The following ATE1 variants were observed in gnomAD, a reference collection of about 807,000 sequenced individuals.
ATE1 encodes the protein arginyltransferase 1.
Under a neutral mutation model 70.5 loss-of-function variants are expected in ATE1, and 36 were observed. The ratio of observed to expected loss-of-function variants is 0.51; its 90% CI spans 0.39 to 0.67. ATE1 has a LOEUF of 0.67. Ranked by LOEUF, ATE1 falls within the 30% of genes least tolerant of loss-of-function variation. ATE1 has a pLI of 0.00. For missense variants in ATE1, 593 were observed against 629.5 expected (o/e 0.94, Z 0.62); for synonymous variants, 232 against 219.3 (o/e 1.06, Z -0.51).
intron 10 of ATE1, among the ~76,000 whole-genome samples, chr10:121,822,068 T>C (rs559934209): frequency 6.6e-6 from 1 of 152,290 alleles, no homozygotes; most frequent in Admixed American, 6.5e-5. Flanking sequence ...CAGGAATGCA[T>C]ATATATGTTC....
intron 11 of ATE1, among the ~76,000 whole-genome samples, chr10:121,785,662 C>A (rs745504679): frequency 6.6e-6 from 1 of 152,148 alleles, no homozygotes; most frequent in Non-Finnish European, 1.5e-5. Context: ...CTCAGAGTTT[C>A]TGGGGCTCAC....
chr10:121,925,322 A>G (rs1319456721), intron 1 of ATE1, among the ~76,000 whole-genome samples: 1 of 151,868 alleles, frequency 6.6e-6, no homozygotes, highest in Non-Finnish European at 1.5e-5. Flanking sequence ...TGGGAGGCTG[A>G]GGCAGGAGAA....
chr10:121,764,150 C>T (rs549504054), intron 11 of ATE1, among the ~76,000 whole-genome samples: 9 of 151,092 alleles, frequency 6.0e-5, no homozygotes, highest in East Asian at 5.8e-4. Flanking sequence ...CAGGGAAGGG[C>T]GACGGAGGGC....
chr10:121,809,297 T>G (rs565213134), intron 10 of ATE1, among the ~76,000 whole-genome samples: 13 of 148,590 alleles, frequency 8.7e-5, no homozygotes, highest in Non-Finnish European at 1.8e-4. Context: ...AAGTCAGTTG[T>G]TTTTTCAAGT....
chr10:121,837,890 C>CA (rs1047584800), intron 9 of ATE1, among the ~76,000 whole-genome samples: 6 of 152,222 alleles, frequency 3.9e-5, no homozygotes, highest in African/African-American at 1.4e-4. Flanking sequence ...GCCAGGGTAC[C>CA]AATCCACTTG....
chr10:121,870,537 T>A (rs1050567593), intron 7 of ATE1, among the ~76,000 whole-genome samples: 1 of 152,140 alleles, frequency 6.6e-6, no homozygotes, highest in African/African-American at 2.4e-5. Context: ...GGTGAGGTTT[T>A]AGCTCCACAA....
Position 121,841,576 on chromosome 10 carries a change from C to A in ATE1, c.976-313G>T, listed in dbSNP as rs541406739. On this transcript the variant is annotated intron_variant, in intron 8 of 11. Transcript: ENST00000224652. ...TAAACTATGTCCTTCCATTTCTATA[C>A]TACTCAGGCATAAAAAGGAACAAAA... Among the ~76,000 whole-genome samples the A allele has an allele frequency of 5.3e-5, 8 of 152,254 alleles. No homozygotes were observed. In the South Asian group the frequency reaches 1.7e-3, roughly 32 times the overall value.
At chr10:121,899,116 A>T in intron 7 of ATE1, 2 of 836,114 alleles carry the variant, frequency 2.4e-6, no homozygotes, top group Non-Finnish European at 3.5e-6. Context: ...GACGAGGCAG[A>T]CGGGTGCAGA....
At chr10:121,920,966 C>T (rs1490200341) in intron 3 of ATE1, among the ~76,000 whole-genome samples, 1 of 151,520 alleles carries the variant, frequency 6.6e-6, no homozygotes, top group Non-Finnish European at 1.5e-5. Context: ...TGCACTCCAG[C>T]CCAGGCGACA....
intron 8 of ATE1, among the ~76,000 whole-genome samples, chr10:121,865,077 C>T (rs952776757): frequency 6.6e-6 from 1 of 152,174 alleles, no homozygotes; most frequent in African/African-American, 2.4e-5. Context: ...CATTCTATTT[C>T]CTTCCTATCT....
chr10:121,898,979 A>C lies in ATE1; in HGVS notation c.942+887T>G, dbSNP rs762448564. 6 of 1,612,002 alleles carry C rather than the reference A, an allele frequency of 3.7e-6. No individual in the cohort carries two copies. In the African/African-American group the frequency reaches 8.0e-5, roughly 22 times the overall value. The stretch of plus-strand genomic sequence containing the variant: ...CAGGTACTAACCTCACCTTCAGAGC[A>C]AGGAAAATACAAGCAAATGCTATTG... On this transcript the variant is annotated intron_variant, in intron 7 of 11. Coordinates refer to ENST00000224652, the MANE Select transcript of ATE1 (RefSeq NM_001001976.3).
chr10:121,923,429 TACTCTAGCCTGGGCAAGAGAGCG>T (rs1355996169), intron 2 of ATE1, among the ~76,000 whole-genome samples: 2 of 152,094 alleles, frequency 1.3e-5, no homozygotes, highest in Non-Finnish European at 2.9e-5. Flanking sequence ...GATGGCACTG[TACTCTAGCCTGGGCAAGAGAGCG>T]ACTCTAGCCT....
chr10:121,856,076 CAAAAA>C (rs34106606), intron 8 of ATE1, among the ~76,000 whole-genome samples: 4 of 125,800 alleles, frequency 3.2e-5, no homozygotes, highest in Admixed American at 8.1e-5. Flanking sequence ...AACTATATCT[CAAAAA>C]AAAAAAAAAA....
At chr10:121,788,097 AGACT>A (rs1946287046) in intron 11 of ATE1, among the ~76,000 whole-genome samples, 1 of 152,346 alleles carries the variant, frequency 6.6e-6, no homozygotes, top group African/African-American at 2.4e-5. Context: ...CATAGGGACT[AGACT>A]GACTGACCCT....
rs71022864 is a variant in ATE1, at chr10:121,778,564, C to CTT, written c.1378+11603_1378+11604dup. On this transcript the variant is annotated intron_variant, in intron 11 of 11. Coordinates refer to ENST00000224652, the MANE Select transcript of ATE1 (RefSeq NM_001001976.3). ...AACAAAAACCTCCAGATGTGGCCAGCTTTTTTTTTTTTTTTTTTTTTTTTT... is the reference window on the plus strand; with the variant it reads ...AACAAAAACCTCCAGATGTGGCCAGCTTTTTTTTTTTTTTTTTTTTTTTTTTT... Among the ~76,000 whole-genome samples, 12 of 57,194 alleles carry CTT rather than the reference C, an allele frequency of 2.1e-4. 2 individuals carry two copies. Among genetic ancestry groups the CTT allele is most frequent in the African/African-American group, 7.1e-4 (10 of 14,126 alleles). The allele number at this position is 57,194 out of a possible 152,430, so 37.5% of individuals were successfully genotyped here.
At chr10:121,898,957 G>A (rs762381273) in intron 7 of ATE1, 16 of 1,613,376 alleles carry the variant, frequency 9.9e-6, no homozygotes, top group Non-Finnish European at 1.4e-5. Context: ...AAGGAGACAG[G>A]TACTAACCTC....
At chr10:121,880,905 A>C (rs935852423) in intron 7 of ATE1, among the ~76,000 whole-genome samples, 10 of 152,168 alleles carry the variant, frequency 6.6e-5, no homozygotes, top group African/African-American at 2.4e-4. Context: ...AATGTGAAAA[A>C]CAGACCTAAA....
At chr10:121,817,346 G>A (rs1947589415) in intron 10 of ATE1, among the ~76,000 whole-genome samples, 1 of 152,168 alleles carries the variant, frequency 6.6e-6, no homozygotes, top group Non-Finnish European at 1.5e-5. Flanking sequence ...CGAGACCACG[G>A]TGAAACCCCG....
chr10:121,888,098 T>C (rs892933611), intron 7 of ATE1, among the ~76,000 whole-genome samples: 1 of 151,996 alleles, frequency 6.6e-6, no homozygotes, highest in African/African-American at 2.4e-5. Context: ...GAAAAAAATA[T>C]AAGAATAATA....
Sources: gnomAD v4.1 joint callset for allele counts (sites outside exome capture counted in the v4.1 genomes callset) on GRCh38, gnomAD v4.1.1 for gene constraint, MANE v1.5 for transcripts, NCBI Gene and HGNC (gene_info 2026-07-23, HGNC 2026-07-21) for gene names.